Variants in XPO5 observed in about 807,000 individuals in gnomAD.
The protein encoded by XPO5 is exportin-5.
XPO5 carries 46 observed loss-of-function variants against 160.6 expected under a neutral mutation model. The ratio of observed to expected loss-of-function variants is 0.29; its 90% CI spans 0.23 to 0.37. The LOEUF is 0.37. XPO5 is among the 10% of genes least tolerant of loss of function. XPO5 has a pLI of 1.00. For synonymous variants in XPO5, 537 were observed against 519.3 expected, an observed-to-expected ratio of 1.03 and a Z score of -0.46; for missense variants, 1,090 against 1,463.9, an observed-to-expected ratio of 0.74 and a Z score of 4.17.
At chr6:43,563,997 A>G (rs1254756272) in intron 8 of XPO5, among the ~76,000 whole-genome samples, 2 of 152,148 alleles carry the variant, frequency 1.3e-5, no homozygotes, top group African/African-American at 4.8e-5. Flanking sequence ...ATCCTGGCTC[A>G]CTGCAACTTT....
chr6:43,525,019 C>T, intron 29 of XPO5, 51 bp from the exon 30 acceptor site: 2 of 1,598,516 alleles, frequency 1.3e-6, no homozygotes, highest in Non-Finnish European at 1.7e-6. Context: ...CTCAAGGCCT[C>T]AGCACCCCAG....
At chr6:43,525,706 C>G in intron 28 of XPO5, 133 bp downstream of exon 28, 1 of 942,858 alleles carries the variant, frequency 1.1e-6, no homozygotes, top group Non-Finnish European at 1.5e-6. Flanking sequence ...TTTTCTGGGG[C>G]CTTTGGAACC....
At chr6:43,553,282 A>G in intron 14 of XPO5, 91 bp downstream of exon 14, 1 of 1,446,410 alleles carries the variant, frequency 6.9e-7, no homozygotes, top group Non-Finnish European at 9.2e-7. Flanking sequence ...AGCCTGAGCA[A>G]CAGAGAGATA....
intron 20 of XPO5, chr6:43,539,157 T>C (rs1196423249): frequency 3.6e-6 from 4 of 1,108,280 alleles, no homozygotes; most frequent in Non-Finnish European, 5.3e-6. Flanking sequence ...CCTGTCACCT[T>C]GCAGGGGACG....
Position 43,560,305 on chromosome 6 carries a change from T to TA in XPO5, c.1096-3dup. 6.3e-7 allele frequency: 1 copy of TA among 1,587,672 alleles called. No homozygotes were observed. Among genetic ancestry groups the TA allele is most frequent in the Non-Finnish European group, 8.5e-7 (1 of 1,170,334 alleles). On this transcript the variant is annotated splice_polypyrimidine_tract_variant and splice_region_variant and intron_variant, in intron 10 of 31. Transcript: ENST00000265351. Reference sequence around the variant, plus strand: ...CATCTGAGTTGAAGAGCGTAGAAACTAAAGAGAAAAAAAAAAGAAAACGTC... The same window carrying TA: ...CATCTGAGTTGAAGAGCGTAGAAACTAAAAGAGAAAAAAAAAAGAAAACGTC...
chr6:43,541,876 C>T (rs1442663010), intron 20 of XPO5, among the ~76,000 whole-genome samples: 3 of 152,162 alleles, frequency 2.0e-5, no homozygotes, highest in Non-Finnish European at 2.9e-5. Flanking sequence ...CTCCTGGGTT[C>T]GAGTGATTCT....
Position 43,530,698 on chromosome 6 carries a change from T to C in XPO5, c.2667A>G (p.Arg889=). 6.2e-7 allele frequency: 1 copy of C among 1,613,946 alleles called. No individual in the cohort carries two copies. The highest frequency in any genetic ancestry group is 1.6e-4 in the Middle Eastern group (1 of 6,062). ...NLNNIPDYRL[R]PMLRVFVKPL... The stretch of plus-strand genomic sequence containing the variant: ...CTTTTGAAAGGATATGAAGCATGGG[T>C]CTGAGTCGGTAGTCAGGAATATTGT... The change falls in exon 23 of 32, where the codon AGA becomes AGG. Residue 889 remains arginine (R), a synonymous_variant. Coordinates refer to ENST00000265351, the MANE Select transcript of XPO5 (RefSeq NM_020750.3).
chr6:43,572,376 C>T (rs1420500333), intron 3 of XPO5, 130 bp downstream of exon 3: 8 of 900,736 alleles, frequency 8.9e-6, no homozygotes, highest in Non-Finnish European at 1.2e-5. Context: ...TGTGCCTGGC[C>T]TAAATTATGA....
chr6:43,527,742 C>G lies in XPO5; in HGVS notation c.2823-11G>C. The G allele has an allele frequency of 6.2e-7, 1 of 1,613,832 alleles. No individual in the cohort carries two copies. The highest frequency in any genetic ancestry group is 8.5e-7 in the Non-Finnish European group (1 of 1,179,810). On this transcript the variant is annotated splice_polypyrimidine_tract_variant and intron_variant, in intron 25 of 31. Transcript: ENST00000265351. ...GCCTCATCTTCTCCACTGCAGAAAA[C>G]CAGGGGGCCAAGTTCCACAGGAGTG...
In XPO5 at chr6:43,575,925, G is replaced by C; in HGVS notation, c.-61C>G. ...AGTCCCGGGACCACGAGGCACGACA[G>C]CTCCCTCGGCGAGACCACCCGTTGG... On this transcript the variant is annotated 5_prime_UTR_variant, in exon 1 of 32. Coordinates refer to ENST00000265351, the MANE Select transcript of XPO5 (RefSeq NM_020750.3). The C allele has an allele frequency of 1.9e-6, 3 of 1,540,388 alleles. No individual in the cohort carries two copies. The highest frequency in any genetic ancestry group is 1.4e-5 in the African/African-American group (1 of 72,666).
intron 1 of XPO5, among the ~76,000 whole-genome samples, chr6:43,573,804 A>AATAT (rs57760552): frequency 2.0e-3 from 235 of 117,146 alleles, no homozygotes; most frequent in African/African-American, 2.3e-3. Flanking sequence ...ATCTCTATTA[A>AATAT]ATATATATAT....
intron 8 of XPO5, among the ~76,000 whole-genome samples, chr6:43,564,026 G>C (rs1302538804): frequency 6.6e-6 from 1 of 152,012 alleles, no homozygotes; most frequent in Admixed American, 6.6e-5. Flanking sequence ...AGGTTCAAGC[G>C]ATCTCCTGCC....
intron 31 of XPO5, among the ~76,000 whole-genome samples, 175 bp from the exon 32 acceptor site, chr6:43,524,180 C>T (rs182385608): frequency 7.4e-4 from 112 of 152,110 alleles, no homozygotes; most frequent in Admixed American, 3.5e-3. Context: ...GGAGAAACCC[C>T]GTCTCTACTA....
At chr6:43,524,352 C>CAAAAAAA in intron 31 of XPO5, 119 bp downstream of exon 31, 3 of 1,069,136 alleles carry the variant, frequency 2.8e-6, no homozygotes, top group African/African-American at 3.9e-5. Flanking sequence ...AACCCCATCT[C>CAAAAAAA]AAAAAAAAAA....
intron 13 of XPO5, 33 bp from the exon 14 acceptor site, chr6:43,553,536 C>A: frequency 2.0e-6 from 3 of 1,534,748 alleles, no homozygotes; most frequent in Non-Finnish European, 2.6e-6. Flanking sequence ...TACACACACA[C>A]ACACACACAC....
rs201138656 is a variant in XPO5, at chr6:43,531,548, T to C, written c.2471A>G (p.Asn824Ser). ...GACGGTTTTGAAGACAGGAGAGTCA[T>C]TGAGTTCCAAGAGAGGTTGAGGTAA... Reference protein sequence around the residue: ...LGLPQPLLELNDSPVFKTVLE... With the variant: ...LGLPQPLLELSDSPVFKTVLE... Residue 824 changes from asparagine to serine, a missense_variant, in exon 22 of 32, where the codon AAT becomes AGT. Coordinates refer to ENST00000265351, the MANE Select transcript of XPO5 (RefSeq NM_020750.3). 3.6e-4 allele frequency: 582 copies of C among 1,613,914 alleles called. 2 individuals are homozygous for C. The highest frequency in any genetic ancestry group is 1.1e-3 in the African/African-American group (84 of 75,040).
rs1274217367 is a variant in XPO5 at position 43,548,343 on chromosome 6, T to G, written c.1978A>C (p.Lys660Gln). Residue 660 changes from lysine to glutamine, a missense_variant, in exon 18 of 32, where the codon AAG becomes CAG. By Grantham distance (53) the Lys-to-Gln change is moderately conservative (BLOSUM62 1). Coordinates refer to ENST00000265351, the MANE Select transcript of XPO5 (RefSeq NM_020750.3). ...EALVLISNQF[K>Q]NYERQKVFLE... ...AACACCTTCTGACGCTCGTAGTTCT[T>G]AAATTGGTTGCTAATGAGAACCAGG... 6.2e-7 allele frequency: 1 copy of G among 1,613,568 alleles called. No individual in the cohort carries two copies. Among genetic ancestry groups the G allele is most frequent in the African/African-American group, 1.3e-5 (1 of 74,916 alleles).
In XPO5 at chr6:43,567,190, A is replaced by G. The variant is rs1318966284; in HGVS notation, c.813T>C (p.Leu271=). 2.5e-6 allele frequency: 4 copies of G among 1,613,196 alleles called. No homozygotes were observed. Among genetic ancestry groups the G allele is most frequent in the Non-Finnish European group, 3.4e-6 (4 of 1,179,606 alleles). Residue 271 remains leucine (L), a synonymous_variant, in exon 7 of 32, where the codon CTT becomes CTC. Transcript: ENST00000265351. ...TTACTTTTCTGCTGACTGCAATGAGAAGACACTCAGCGGCTCCCAACTGAA... is the reference window on the plus strand; with the variant it reads ...TTACTTTTCTGCTGACTGCAATGAGGAGACACTCAGCGGCTCCCAACTGAA... ...QELQLGAAEC[L]LIAVSRKGKL... is the part of the protein sequence containing the mutation.
At position 43,567,392 on chromosome 6, in the gene XPO5, C is replaced by A. The variant is rs746011516; in HGVS notation, c.649-38G>T. The A allele has an allele frequency of 3.9e-6, 6 of 1,546,138 alleles. No homozygotes were observed. In the South Asian group the frequency reaches 7.5e-5, roughly 19 times the overall value. On this transcript the variant is annotated intron_variant, in intron 6 of 31. Transcript: ENST00000265351. ...AAGTAACTTTGGACCATGAAGTCCTCGGTAACAGGTAAGGAATCAGTGGTT... is the reference window on the plus strand; with the variant it reads ...AAGTAACTTTGGACCATGAAGTCCTAGGTAACAGGTAAGGAATCAGTGGTT...
Sources: allele counts gnomAD v4.1 joint callset (sites outside exome capture counted in the v4.1 genomes callset), GRCh38; gene constraint gnomAD v4.1.1; transcripts MANE v1.5; gene names NCBI Gene and HGNC (gene_info 2026-07-23, HGNC 2026-07-21).